Variants in GALK2 observed in about 807,000 individuals in gnomAD.
GALK2 encodes the protein N-acetylgalactosamine kinase.
A neutral mutation model predicts 52.4 loss-of-function variants in GALK2; 36 were observed. That is an observed-to-expected ratio of 0.69 (90% CI 0.53 to 0.91). The LOEUF (loss-of-function observed/expected upper bound fraction) is 0.91. GALK2 is among the 40% of genes least tolerant of loss of function. The probability of loss-of-function intolerance (pLI) is 0.00; values close to 1 mark genes in which losing one functional copy is unlikely to be tolerated. For synonymous variants in GALK2, 176 were observed against 199.1 expected (o/e 0.88, Z 0.98); for missense variants, 579 against 559.1 (o/e 1.04, Z -0.36).
At chr15:49,158,157 A>G (rs1028224159) in intron 1 of GALK2, among the ~76,000 whole-genome samples, 18 of 152,168 alleles carry the variant, frequency 1.2e-4, no homozygotes, top group African/African-American at 4.3e-4. Context: ...GAAGGGAATA[A>G]GTGTGAATTG....
intron 5 of GALK2, among the ~76,000 whole-genome samples, chr15:49,273,334 C>T (rs1227345968): frequency 6.6e-6 from 1 of 152,000 alleles, no homozygotes; most frequent in African/African-American, 2.4e-5. Flanking sequence ...TATTTAAACT[C>T]CTTCCTTTCT....
At chr15:49,299,720 T>TTC in intron 8 of GALK2, among the ~76,000 whole-genome samples, 1 of 34,046 alleles carries the variant, frequency 2.9e-5, no homozygotes, top group African/African-American at 1.3e-4. Flanking sequence ...CTTTCTTTCT[T>TTC]TCTTTCTTTC....
intron 1 of GALK2, chr15:49,156,566 A>G: frequency 1.9e-6 from 1 of 518,666 alleles, no homozygotes; most frequent in Non-Finnish European, 3.8e-6. Flanking sequence ...CGTGCAGCTG[A>G]AAGCTGCTGA....
At chr15:49,305,320 A>T (rs2035460220) in intron 8 of GALK2, among the ~76,000 whole-genome samples, 1 of 152,216 alleles carries the variant, frequency 6.6e-6, no homozygotes, top group South Asian at 2.1e-4. Context: ...ATCATCATTC[A>T]TGTGGCAGGT....
At chr15:49,272,254 T>C (rs888935220) in intron 5 of GALK2, among the ~76,000 whole-genome samples, 3 of 152,220 alleles carry the variant, frequency 2.0e-5, no homozygotes, top group Non-Finnish European at 4.4e-5. Context: ...CTGGGTTGTT[T>C]TGTAAATTAA....
At chr15:49,269,345 A>C (rs993279088) in intron 5 of GALK2, among the ~76,000 whole-genome samples, 2 of 152,146 alleles carry the variant, frequency 1.3e-5, no homozygotes, top group African/African-American at 4.8e-5. Context: ...GGTAGATTGC[A>C]TGGAGGGTGA....
chr15:49,234,573 A>C (rs2090688224), intron 3 of GALK2, among the ~76,000 whole-genome samples: 2 of 152,140 alleles, frequency 1.3e-5, no homozygotes, highest in South Asian at 4.1e-4. Flanking sequence ...CAAAGAGAGC[A>C]TGTGCAGGGG....
chr15:49,227,379 C>T (rs377490442), intron 3 of GALK2, among the ~76,000 whole-genome samples: 15 of 152,050 alleles, frequency 9.9e-5, no homozygotes, highest in Non-Finnish European at 1.2e-4. Context: ...TTATATAATA[C>T]CCCTCTTTGT....
At chr15:49,249,346 C>G (rs1340180335) in intron 5 of GALK2, among the ~76,000 whole-genome samples, 1 of 152,202 alleles carries the variant, frequency 6.6e-6, no homozygotes, top group African/African-American at 2.4e-5. Flanking sequence ...AACTTTGTCC[C>G]CTCTGTGGCC....
At chr15:49,188,806 A>C (rs2086533046) in intron 1 of GALK2, among the ~76,000 whole-genome samples, 1 of 152,182 alleles carries the variant, frequency 6.6e-6, no homozygotes, top group South Asian at 2.1e-4. Context: ...AATTTAATTA[A>C]ATGCTGTAAT....
intron 5 of GALK2, among the ~76,000 whole-genome samples, chr15:49,276,353 T>C (rs2031658384): frequency 6.6e-6 from 1 of 152,192 alleles, no homozygotes; most frequent in Admixed American, 6.6e-5. Context: ...TTAGAATCAC[T>C]TAGCCATCAG....
At chr15:49,266,248 G>A (rs1287118242) in intron 5 of GALK2, among the ~76,000 whole-genome samples, 1 of 151,982 alleles carries the variant, frequency 6.6e-6, no homozygotes, top group Non-Finnish European at 1.5e-5. Context: ...TGCTTTTCAA[G>A]TTTCTGTTTA....
chr15:49,338,878 G>A (rs187352031), intron 3 of GALK2, among the ~76,000 whole-genome samples: 69 of 152,104 alleles, frequency 4.5e-4, no homozygotes, highest in African/African-American at 1.6e-3. Context: ...TCATTGAGTT[G>A]ATTTTCAGTC....
chr15:49,277,776 C>G (rs2032071064), intron 5 of GALK2, among the ~76,000 whole-genome samples: 1 of 151,158 alleles, frequency 6.6e-6, no homozygotes, highest in African/African-American at 2.4e-5. Context: ...AGCCTGCGGA[C>G]AGAGTGAGAC....
chr15:49,351,387 C>T (rs1190270094), intron 3 of GALK2, among the ~76,000 whole-genome samples: 3 of 152,194 alleles, frequency 2.0e-5, no homozygotes, highest in East Asian at 1.9e-4. Context: ...AACTCTGGAG[C>T]ATGCAACTCC....
intron 8 of GALK2, among the ~76,000 whole-genome samples, chr15:49,308,513 G>T (rs2035731470): frequency 6.6e-6 from 1 of 152,114 alleles, no homozygotes; most frequent in South Asian, 2.1e-4. Context: ...CTTCATTCAA[G>T]GTAATGAAAT....
chr15:49,260,295 T>A (rs1402411882), intron 5 of GALK2, among the ~76,000 whole-genome samples: 11 of 152,220 alleles, frequency 7.2e-5, no homozygotes, highest in Non-Finnish European at 1.3e-4. Flanking sequence ...AGATGGTATC[T>A]CATTGTGGTT....
At chr15:49,338,773 T>C (rs577082604) in intron 3 of GALK2, among the ~76,000 whole-genome samples, 2 of 152,226 alleles carry the variant, frequency 1.3e-5, no homozygotes, top group South Asian at 2.1e-4. Context: ...CAATCAATTG[T>C]AGATTTGGTC....
rs77001209 is a variant in GALK2, at chr15:49,346,510, T to G, written c.427-20981T>G. ...GAGAGCTGTTCTCCTGCCTCCTTGC[T>G]TGGCAGCTTTGCCAATAAATCTTTT... On this transcript the variant is annotated intron_variant, in intron 3 of 3. Transcript: ENST00000558399. Among the ~76,000 whole-genome samples, 852 of 152,272 alleles carry G rather than the reference T, an allele frequency of 5.6e-3. 6 individuals carry two copies. Among genetic ancestry groups the G allele is most frequent in the African/African-American group, 0.02 (812 of 41,552 alleles).
Sources: allele counts gnomAD v4.1 joint callset (sites outside exome capture counted in the v4.1 genomes callset), GRCh38; gene constraint gnomAD v4.1.1; transcripts MANE v1.5; gene names NCBI Gene and HGNC (gene_info 2026-07-23, HGNC 2026-07-21).